The following CCSER1 variants were observed in gnomAD, a reference collection of about 807,000 sequenced individuals.
The protein encoded by CCSER1 is serine-rich coiled-coil domain-containing protein 1.
In CCSER1, 41 loss-of-function variants were observed where a neutral mutation model predicts 82.0. That is an observed-to-expected ratio of 0.50 (90% CI 0.39 to 0.65). CCSER1 has a LOEUF of 0.65. CCSER1 is among the 30% of genes least tolerant of loss of function. CCSER1 has a pLI of 0.00. For missense variants in CCSER1, 1,119 were observed against 1,064.2 expected (o/e 1.05, Z -0.72); for synonymous variants, 414 against 383.9 (o/e 1.08, Z -0.92).
chr4:91,272,276 T>G lies in CCSER1; in HGVS notation c.2217+186282T>G, dbSNP rs982575759. On this transcript the variant is annotated intron_variant, in intron 10 of 10. Transcript: ENST00000509176. ...CACACCAATATCTATTATGTTTTGATTTTTTGATTATGGCCATTCTTGCAG... is the reference window on the plus strand; with the variant it reads ...CACACCAATATCTATTATGTTTTGAGTTTTTGATTATGGCCATTCTTGCAG... Among the ~76,000 whole-genome samples, 3 of 152,302 alleles carry G rather than the reference T, an allele frequency of 2.0e-5. No individual in the cohort carries two copies. The East Asian group carries it at 5.8e-4, about 29-fold the overall frequency.
chr4:90,445,485 A>G (rs1760521791), intron 4 of CCSER1, among the ~76,000 whole-genome samples: 2 of 152,058 alleles, frequency 1.3e-5, no homozygotes, highest in Non-Finnish European at 2.9e-5. Flanking sequence ...TGCCTTATTT[A>G]GATGTACGTG....
At chr4:90,834,545 T>A (rs914794228) in intron 8 of CCSER1, among the ~76,000 whole-genome samples, 1 of 152,176 alleles carries the variant, frequency 6.6e-6, no homozygotes, top group Non-Finnish European at 1.5e-5. Context: ...TGATACAAAT[T>A]AAGAACTGTG....
At chr4:90,435,933 C>G (rs1758940186) in intron 4 of CCSER1, among the ~76,000 whole-genome samples, 1 of 151,710 alleles carries the variant, frequency 6.6e-6, no homozygotes, top group Non-Finnish European at 1.5e-5. Context: ...ACCAATCAAA[C>G]ACAAGGGCTA....
chr4:91,367,778 C>T (rs891775102), intron 10 of CCSER1, among the ~76,000 whole-genome samples: 2 of 152,208 alleles, frequency 1.3e-5, no homozygotes, highest in African/African-American at 2.4e-5. Context: ...CCTTTGATCA[C>T]ATGCCAACCA....
chr4:90,835,255 C>T (rs538978477), intron 8 of CCSER1, among the ~76,000 whole-genome samples: 2 of 152,190 alleles, frequency 1.3e-5, no homozygotes, highest in East Asian at 1.9e-4. Context: ...GGCGTGAACC[C>T]GGGAGGGGGA....
In CCSER1 at chr4:91,406,206, C is replaced by T. The variant is rs182963557; in HGVS notation, c.2218-192366C>T. On this transcript the variant is annotated intron_variant, in intron 10 of 10. Coordinates refer to ENST00000509176, the MANE Select transcript of CCSER1 (RefSeq NM_001145065.2). ...AAATTGCATAATTTGTTAACTTGTA[C>T]AATAAGTAGCATGAAATTGCATAAT... Among the ~76,000 whole-genome samples, 455 of 152,212 alleles carry T rather than the reference C, an allele frequency of 3.0e-3. 1 individual carries two copies. The highest frequency in any genetic ancestry group is 0.01 in the African/African-American group (428 of 41,550).
chr4:91,382,366 T>G (rs1274129751), intron 10 of CCSER1, among the ~76,000 whole-genome samples: 4 of 152,284 alleles, frequency 2.6e-5, no homozygotes, highest in Middle Eastern at 6.8e-3. Context: ...CAGTTTGAGT[T>G]TCCTGGCTGC....
intron 10 of CCSER1, among the ~76,000 whole-genome samples, chr4:91,337,666 A>G (rs1747414938): frequency 2.0e-5 from 3 of 152,104 alleles, no homozygotes; most frequent in African/African-American, 7.2e-5. Context: ...CCAAGTGAAC[A>G]TGGATAAAAC....
chr4:91,370,269 A>G (rs1033811182), intron 10 of CCSER1, among the ~76,000 whole-genome samples: 14 of 152,232 alleles, frequency 9.2e-5, no homozygotes, highest in Non-Finnish European at 1.9e-4. Flanking sequence ...ACAAATTGAC[A>G]ATATTCAAGG....
intron 10 of CCSER1, among the ~76,000 whole-genome samples, chr4:91,449,065 T>C (rs1046634667): frequency 1.3e-5 from 2 of 152,032 alleles, no homozygotes; most frequent in African/African-American, 4.8e-5. Flanking sequence ...GAGTGGGCCA[T>C]GTAGAAACCT....
At chr4:90,175,055 T>G (rs1212862596) in intron 1 of CCSER1, among the ~76,000 whole-genome samples, 1 of 151,996 alleles carries the variant, frequency 6.6e-6, no homozygotes, top group Non-Finnish European at 1.5e-5. Context: ...ACTCAGACAT[T>G]TGTATTCATA....
intron 10 of CCSER1, among the ~76,000 whole-genome samples, chr4:91,413,461 C>CA (rs1323163276): frequency 2.1e-5 from 3 of 144,106 alleles, no homozygotes; most frequent in Non-Finnish European, 3.0e-5. Context: ...CCATGTCTCT[C>CA]AAAAAAAGAA....
At position 91,013,533 on chromosome 4, in the gene CCSER1, C is replaced by CAT. The variant is rs768761300; in HGVS notation, c.2173-72402_2173-72401dup. The stretch of plus-strand genomic sequence containing the variant: ...CCAGCTTTTTTGTTCTTTCTCAAGA[C>CAT]ATATATATATATATATTTTTTTGCT... On this transcript the variant is annotated intron_variant, in intron 9 of 10. Transcript: ENST00000509176. 8.5e-3 allele frequency among the ~76,000 whole-genome samples: 1,064 copies of CAT among 125,626 alleles called. 203 individuals are homozygous for CAT. Among genetic ancestry groups the CAT allele is most frequent in the Middle Eastern group, 0.05 (12 of 238 alleles). The allele number at this position is 125,626 out of a possible 152,430, so 82.4% of individuals were successfully genotyped here. A position where few individuals can be genotyped will look rare whatever the true frequency, so the allele number is the denominator to read the frequency against.
intron 10 of CCSER1, among the ~76,000 whole-genome samples, chr4:91,461,354 C>A (rs975406574): frequency 6.6e-6 from 1 of 152,062 alleles, no homozygotes; most frequent in Non-Finnish European, 1.5e-5. Context: ...CCATTTTACA[C>A]GTGAGAAAAT....
At chr4:90,510,605 T>C (rs1294228103) in intron 5 of CCSER1, among the ~76,000 whole-genome samples, 1 of 152,242 alleles carries the variant, frequency 6.6e-6, no homozygotes, top group Non-Finnish European at 1.5e-5. Flanking sequence ...TATCTTTCTT[T>C]CATGCTTTGG....
At chr4:91,468,791 C>G (rs1226113968) in intron 10 of CCSER1, among the ~76,000 whole-genome samples, 1 of 151,960 alleles carries the variant, frequency 6.6e-6, no homozygotes, top group Non-Finnish European at 1.5e-5. Flanking sequence ...CAATAATGCT[C>G]TGGATGCTGG....
In CCSER1 at chr4:90,830,966, TTCAC is replaced by T. The variant is rs1218917653; in HGVS notation, c.2094+15125_2094+15128del. On this transcript the variant is annotated intron_variant, in intron 8 of 10. Coordinates refer to ENST00000509176, the MANE Select transcript of CCSER1 (RefSeq NM_001145065.2). ...CTTTTTCATGTTAATCTGTAATCAT[TTCAC>T]TCAGCCTGTATTCCACTTACTGTTC... Among the ~76,000 whole-genome samples, 29 of 152,270 alleles carry T rather than the reference TTCAC, an allele frequency of 1.9e-4. 1 individual carries two copies. Among genetic ancestry groups the T allele is most frequent in the African/African-American group, 6.0e-4 (25 of 41,578 alleles).
intron 9 of CCSER1, among the ~76,000 whole-genome samples, chr4:90,984,192 A>G (rs1426324679): frequency 6.6e-6 from 1 of 151,824 alleles, no homozygotes; most frequent in African/African-American, 2.4e-5. Context: ...CTGTTCACAC[A>G]CCATTTGTCC....
intron 9 of CCSER1, among the ~76,000 whole-genome samples, chr4:90,999,789 TTTTTGTTTTTG>T (rs1383266078): frequency 6.7e-6 from 1 of 150,200 alleles, no homozygotes; most frequent in East Asian, 1.9e-4. Context: ...TTCTTATTTG[TTTTTGTTTTTG>T]TTTTGTTTTG....
Sources: allele counts gnomAD v4.1 joint callset (sites outside exome capture counted in the v4.1 genomes callset), GRCh38; gene constraint gnomAD v4.1.1; transcripts MANE v1.5; gene names NCBI Gene and HGNC (gene_info 2026-07-23, HGNC 2026-07-21).